FAM227B: variants seen among roughly 807,000 people sequenced by gnomAD.
FAM227B encodes family with sequence similarity 227 member B, also known as protein FAM227B.
A neutral mutation model predicts 73.8 loss-of-function variants in FAM227B; 88 were observed. That is an observed-to-expected ratio of 1.19 (90% CI 1.00 to 1.42). The LOEUF is 1.42. Among genes scored for constraint, FAM227B ranks in the 40% most tolerant of loss-of-function variants. The pLI, the probability that FAM227B is intolerant of heterozygous loss-of-function variation, is 0.00. For missense variants in FAM227B, 632 were observed against 590.9 expected (o/e 1.07, Z -0.72); for synonymous variants, 210 against 190.5 (o/e 1.10, Z -0.84).
intron 11 of FAM227B, among the ~76,000 whole-genome samples, chr15:49,401,924 C>T (rs1464307950): frequency 3.4e-5 from 5 of 147,120 alleles, no homozygotes; most frequent in African/African-American, 5.0e-5. Context: ...GTGGGTGCAG[C>T]GCACCAGCAT....
chr15:49,375,758 T>C (rs963218319), intron 11 of FAM227B, among the ~76,000 whole-genome samples: 1 of 151,946 alleles, frequency 6.6e-6, no homozygotes, highest in Non-Finnish European at 1.5e-5. Flanking sequence ...ATAAATTACT[T>C]TTCCCATGAT....
rs1049627048 is a variant in FAM227B, at chr15:49,601,713, C to A, written c.105+9502G>T. Among the ~76,000 whole-genome samples, 8 of 152,172 alleles carry A rather than the reference C, an allele frequency of 5.3e-5. No homozygotes were observed. In the South Asian group the frequency reaches 1.2e-3, roughly 24 times the overall value. Reference sequence around the variant, plus strand: ...TATTGACTACACTCACCTTATTGTGCTATCAATACTTGGTCTTACTCATTT... The same window carrying A: ...TATTGACTACACTCACCTTATTGTGATATCAATACTTGGTCTTACTCATTT... On this transcript the variant is annotated intron_variant, in intron 3 of 15. Coordinates refer to ENST00000299338, the MANE Select transcript of FAM227B (RefSeq NM_152647.3).
chr15:49,541,759 T>C lies in FAM227B; in HGVS notation c.795A>G (p.Glu265=), dbSNP rs138730373. 1.3e-6 allele frequency: 2 copies of C among 1,541,442 alleles called. No homozygotes were observed. Among genetic ancestry groups the C allele is most frequent in the Non-Finnish European group, 1.7e-6 (2 of 1,143,702 alleles). The change falls in exon 10 of 16, where the codon GAA becomes GAG. Residue 265 remains glutamate, a synonymous_variant. Transcript: ENST00000299338. ...LAQAIYATFH[E]AFPESSYLFN... Reference sequence around the variant, plus strand: ...AGAGGTAACTCGATTCTGGAAATGCTTCATGGAACGTTGCATATATGGCTT... The same window carrying C: ...AGAGGTAACTCGATTCTGGAAATGCCTCATGGAACGTTGCATATATGGCTT...
intron 11 of FAM227B, among the ~76,000 whole-genome samples, chr15:49,504,698 C>A (rs1391107964): frequency 6.6e-6 from 1 of 152,178 alleles, no homozygotes; most frequent in Admixed American, 6.5e-5. Context: ...TTGCTTTCTG[C>A]CATGACTGTA....
chr15:49,422,770 T>C (rs2049797976), intron 11 of FAM227B: 1 of 1,325,744 alleles, frequency 7.5e-7, no homozygotes, highest in Non-Finnish European at 1.0e-6. Context: ...GAATTGTCTC[T>C]GTATGATGTG....
chr15:49,461,459 T>C (rs576123470), intron 11 of FAM227B, among the ~76,000 whole-genome samples: 1 of 152,360 alleles, frequency 6.6e-6, no homozygotes, highest in South Asian at 2.1e-4. Flanking sequence ...ACATCATGTC[T>C]ATTTTTCAAT....
intron 9 of FAM227B, among the ~76,000 whole-genome samples, chr15:49,542,525 C>T (rs955035374): frequency 2.0e-5 from 3 of 151,604 alleles, no homozygotes; most frequent in African/African-American, 7.3e-5. Flanking sequence ...TCCCTAAAGT[C>T]CACTATATGT....
chr15:49,339,500 C>T (rs111600039), intron 13 of FAM227B, among the ~76,000 whole-genome samples: 25,942 of 152,106 alleles, frequency 0.17, 2,501 homozygotes, highest in Non-Finnish European at 0.21. Flanking sequence ...CTGGAAGCTT[C>T]GTCCCAGAGG....
intron 11 of FAM227B, chr15:49,424,187 A>T: frequency 1.0e-6 from 1 of 988,746 alleles, no homozygotes; most frequent in Non-Finnish European, 1.5e-6. Context: ...ACTCTTTCTT[A>T]AATCAATCTA....
intron 13 of FAM227B, among the ~76,000 whole-genome samples, chr15:49,338,024 A>G (rs1567097952): frequency 6.6e-6 from 1 of 152,182 alleles, no homozygotes; most frequent in Non-Finnish European, 1.5e-5. Flanking sequence ...ATACCCAGTA[A>G]TGGGATTGCT....
At chr15:49,349,133 T>C (rs1021192601) in intron 13 of FAM227B, among the ~76,000 whole-genome samples, 4 of 152,152 alleles carry the variant, frequency 2.6e-5, no homozygotes, top group African/African-American at 9.7e-5. Context: ...GTATATTTTA[T>C]TAAAAGAAAA....
intron 8 of FAM227B, among the ~76,000 whole-genome samples, chr15:49,570,113 T>C (rs2074983906): frequency 6.6e-6 from 1 of 152,020 alleles, no homozygotes; most frequent in African/African-American, 2.4e-5. Context: ...AGTTATGTAT[T>C]TGACATATTG....
At chr15:49,422,145 A>AGAGAGAGAGAGAGAGAGAGAGAGAGT (rs757128514) in intron 11 of FAM227B, among the ~76,000 whole-genome samples, 1 of 139,822 alleles carries the variant, frequency 7.2e-6, no homozygotes, top group African/African-American at 2.5e-5. Flanking sequence ...AGAGAGAGAG[A>AGAGAGAGAGAGAGAGAGAGAGAGAGT]GTGTGTGTGT....
intron 11 of FAM227B, among the ~76,000 whole-genome samples, chr15:49,477,961 T>A (rs1333068498): frequency 6.6e-6 from 1 of 152,202 alleles, no homozygotes; most frequent in Non-Finnish European, 1.5e-5. Context: ...GGGGTACATG[T>A]GCAGGTCTGT....
chr15:49,540,395 T>C (rs2070892954), intron 10 of FAM227B, among the ~76,000 whole-genome samples: 1 of 152,214 alleles, frequency 6.6e-6, no homozygotes, highest in Non-Finnish European at 1.5e-5. Flanking sequence ...AAATCCTTTC[T>C]GTGCAATTAT....
intron 11 of FAM227B, among the ~76,000 whole-genome samples, chr15:49,500,672 C>G (rs888872075): frequency 2.0e-5 from 3 of 152,158 alleles, no homozygotes; most frequent in African/African-American, 7.2e-5. Context: ...AAGAGATTGA[C>G]AATTTCTTAA....
intron 5 of FAM227B, among the ~76,000 whole-genome samples, chr15:49,583,115 A>G (rs2075916323): frequency 6.6e-6 from 1 of 152,124 alleles, no homozygotes; most frequent in South Asian, 2.1e-4. Flanking sequence ...GAAGACAAAA[A>G]TAACCAAAAT....
chr15:49,485,326 C>T (rs2056314828), intron 11 of FAM227B: 1 of 152,006 alleles, frequency 6.6e-6, no homozygotes, highest in African/African-American at 2.4e-5. Context: ...CATAATCTAT[C>T]TTTGTATAAT....
chr15:49,607,990 G>C (rs2077630322), intron 3 of FAM227B, among the ~76,000 whole-genome samples: 2 of 152,100 alleles, frequency 1.3e-5, no homozygotes, highest in Admixed American at 1.3e-4. Flanking sequence ...ACCTAAAAAG[G>C]CAAATCGAGT....
Sources: gnomAD v4.1 joint callset for allele counts (sites outside exome capture counted in the v4.1 genomes callset) on GRCh38, gnomAD v4.1.1 for gene constraint, MANE v1.5 for transcripts, NCBI Gene and HGNC (gene_info 2026-07-23, HGNC 2026-07-21) for gene names.